DRC8: variants seen among roughly 807,000 people sequenced by gnomAD.
DRC8 encodes dynein regulatory complex protein 8.
the DRC8 span, among the ~76,000 whole-genome samples, chr1:244,993,928 C>T: frequency 1.4e-4 from 21 of 149,384 alleles, no homozygotes; most frequent in Non-Finnish European, 2.1e-4. Context: ...TTCCAACACA[C>T]GAACTTTGGG....
the DRC8 span, among the ~76,000 whole-genome samples, chr1:245,033,417 A>T: frequency 1.3e-5 from 2 of 152,178 alleles, no homozygotes; most frequent in African/African-American, 4.8e-5. Context: ...ATAAAGGATT[A>T]TGGATGAAAT....
the DRC8 span, chr1:245,059,376 T>C: frequency 6.2e-7 from 1 of 1,603,640 alleles, no homozygotes; most frequent in Middle Eastern, 1.7e-4. Context: ...GAAAACTTTT[T>C]TTTTTCCAGA....
the DRC8 span, among the ~76,000 whole-genome samples, chr1:245,042,281 CAG>C: frequency 6.6e-6 from 1 of 152,132 alleles, no homozygotes; most frequent in Admixed American, 6.5e-5. Context: ...ACAGGAGATC[CAG>C]AGTTTTTTAG....
chr1:245,062,921 G>A, the DRC8 span, among the ~76,000 whole-genome samples: 1 of 152,172 alleles, frequency 6.6e-6, no homozygotes, highest in Admixed American at 6.5e-5. Context: ...CCTGGGTGTA[G>A]GAGAGCTGGC....
At chr1:245,064,229 A>G in the DRC8 span, among the ~76,000 whole-genome samples, 3 of 152,214 alleles carry the variant, frequency 2.0e-5, no homozygotes, top group Non-Finnish European at 4.4e-5. Flanking sequence ...GCATAAAACT[A>G]CTTAGGAATG....
chr1:245,001,002 C>G, the DRC8 span, among the ~76,000 whole-genome samples: 2 of 151,910 alleles, frequency 1.3e-5, no homozygotes, highest in Non-Finnish European at 2.9e-5. Flanking sequence ...GGGAAAGTAC[C>G]AGGCAGAGAG....
the DRC8 span, among the ~76,000 whole-genome samples, chr1:245,075,213 TAAG>T: frequency 6.6e-6 from 1 of 152,182 alleles, no homozygotes; most frequent in African/African-American, 2.4e-5. Context: ...AAGTGGAAGT[TAAG>T]AACTCCAGGC....
At chr1:244,970,041 G>A in the DRC8 span, 27 of 618,740 alleles carry the variant, frequency 4.4e-5, no homozygotes, top group Non-Finnish European at 3.7e-5. Flanking sequence ...GAGGGGGCGA[G>A]GGGTGTGTGC....
At chr1:245,120,528 C>T in the DRC8 span, among the ~76,000 whole-genome samples, 94 of 152,248 alleles carry the variant, frequency 6.2e-4, no homozygotes, top group Admixed American at 4.8e-3. Context: ...AACAGAAATT[C>T]GAGTTTAAAT....
chr1:245,063,775 G>A, the DRC8 span, among the ~76,000 whole-genome samples: 1 of 152,180 alleles, frequency 6.6e-6, no homozygotes, highest in African/African-American at 2.4e-5. Context: ...GGGCTGGAGT[G>A]CAGTGGCACA....
At chr1:245,060,730 G>C in the DRC8 span, among the ~76,000 whole-genome samples, 2 of 152,226 alleles carry the variant, frequency 1.3e-5, no homozygotes, top group African/African-American at 4.8e-5. Flanking sequence ...ACATGCTCAG[G>C]ATAGTAAGTG....
the DRC8 span, among the ~76,000 whole-genome samples, chr1:245,055,822 T>G: frequency 6.6e-6 from 1 of 152,218 alleles, no homozygotes; most frequent in African/African-American, 2.4e-5. Context: ...TGTGCTTCTC[T>G]TATGTGTTTA....
chr1:245,066,164 G>T, the DRC8 span, among the ~76,000 whole-genome samples: 1,646 of 152,016 alleles, frequency 0.011, 32 homozygotes, highest in African/African-American at 0.038. Flanking sequence ...TTCCTAAGTA[G>T]GTGTATGATT....
chr1:245,087,389 G>T, the DRC8 span: 1 of 1,559,856 alleles, frequency 6.4e-7, no homozygotes, highest in South Asian at 1.2e-5. Context: ...CTGATTGAAA[G>T]AACAATTTTA....
At chr1:245,055,495 A>AT in the DRC8 span, among the ~76,000 whole-genome samples, 1 of 151,876 alleles carries the variant, frequency 6.6e-6, no homozygotes, top group African/African-American at 2.4e-5. Context: ...AATTTTTAAA[A>AT]TTTTTTGTAG....
chr1:245,035,866 C>CAAAAAAAAAA, the DRC8 span, among the ~76,000 whole-genome samples: 1 of 109,968 alleles, frequency 9.1e-6, no homozygotes. Flanking sequence ...GACTCTGTCT[C>CAAAAAAAAAA]AAAAAAAAAA....
At chr1:245,097,527 A>AG in the DRC8 span, among the ~76,000 whole-genome samples, 38 of 150,058 alleles carry the variant, frequency 2.5e-4, no homozygotes, top group East Asian at 1.2e-3. This position sits in a 1 kb window ranked among gnomAD's most constrained non-coding sequence, Gnocchi z 5.0. Flanking sequence ...CAAAAAAAAA[A>AG]AAAGAAAGAA....
At chr1:245,110,869 G>C in the DRC8 span, among the ~76,000 whole-genome samples, 1 of 152,176 alleles carries the variant, frequency 6.6e-6, no homozygotes. Flanking sequence ...CAGCCAGAAG[G>C]GTTTGCTAGC....
chr1:245,075,084 A>G, the DRC8 span, among the ~76,000 whole-genome samples: 4 of 152,304 alleles, frequency 2.6e-5, no homozygotes, highest in African/African-American at 4.8e-5. Context: ...ACTGATTGTT[A>G]TGTCACTGGG....
Sources: allele counts gnomAD v4.1 joint callset (sites outside exome capture counted in the v4.1 genomes callset), GRCh38; gene constraint gnomAD v4.1.1; non-coding constraint Gnocchi (gnomAD v3.1); transcripts MANE v1.5; gene names NCBI Gene and HGNC (gene_info 2026-07-23, HGNC 2026-07-21).